VPS37A: variants seen among roughly 807,000 people sequenced by gnomAD.
The protein encoded by VPS37A is VPS37A subunit of ESCRT-I, also known as vacuolar protein sorting-associated protein 37A.
In VPS37A, 30 loss-of-function variants were observed where a neutral mutation model predicts 49.8. The ratio of observed to expected loss-of-function variants is 0.60; its 90% CI spans 0.45 to 0.82. VPS37A has a LOEUF of 0.82. VPS37A is among the 40% of genes least tolerant of loss of function. VPS37A has a pLI of 0.00. For missense variants in VPS37A, 593 were observed against 464.4 expected (o/e 1.28, Z -2.55); for synonymous variants, 195 against 160.6 (o/e 1.21, Z -1.62).
the VPS37A span, among the ~76,000 whole-genome samples, chr8:17,327,704 G>A: frequency 4.6e-5 from 7 of 151,846 alleles, no homozygotes; most frequent in South Asian, 1.0e-3. Context: ...TAAATAATAC[G>A]ATAAATATTT....
chr8:17,292,405 T>C (rs1816237697), intron 11 of VPS37A, among the ~76,000 whole-genome samples: 1 of 152,174 alleles, frequency 6.6e-6, no homozygotes, highest in Non-Finnish European at 1.5e-5. Context: ...TACTGATGGA[T>C]CTTGACTCTG....
chr8:17,311,820 T>A, the VPS37A span: 1 of 845,388 alleles, frequency 1.2e-6, no homozygotes, highest in Non-Finnish European at 1.8e-6. Flanking sequence ...TGCTGGCAGC[T>A]AAAGCTTTCC....
chr8:17,287,827 A>C (rs767376198), intron 11 of VPS37A, among the ~76,000 whole-genome samples: 14 of 152,100 alleles, frequency 9.2e-5, no homozygotes, highest in Non-Finnish European at 1.9e-4. Context: ...TGGGCAAGCT[A>C]TCCATCCTAC....
downstream of VPS37A, among the ~76,000 whole-genome samples, chr8:17,303,644 T>C (rs932192322): frequency 2.6e-5 from 4 of 151,518 alleles, no homozygotes; most frequent in Non-Finnish European, 4.4e-5. Context: ...AGTTTTGCTC[T>C]TGTTGCCCAG....
intron 1 of VPS37A, among the ~76,000 whole-genome samples, chr8:17,262,694 A>G (rs978924066): frequency 6.6e-6 from 1 of 152,160 alleles, no homozygotes; most frequent in African/African-American, 2.4e-5. Flanking sequence ...GCTGCAAACA[A>G]TCTAAATATC....
chr8:17,290,345 G>C (rs112809200), intron 11 of VPS37A, among the ~76,000 whole-genome samples: 158 of 152,250 alleles, frequency 1.0e-3, no homozygotes, highest in African/African-American at 3.6e-3. Context: ...ATTATTTTCA[G>C]ATACATTCCA....
chr8:17,316,464 TAAAAAAA>T, the VPS37A span, among the ~76,000 whole-genome samples: 1 of 143,476 alleles, frequency 7.0e-6, no homozygotes. Flanking sequence ...AACAGTACAG[TAAAAAAA>T]AAAAAAAACC....
In VPS37A at chr8:17,265,974, A is replaced by G. The variant is rs1391557682; in HGVS notation, c.193A>G (p.Ile65Val). 6.2e-7 allele frequency: 1 copy of G among 1,611,952 alleles called. No homozygotes were observed. The highest frequency in any genetic ancestry group is 2.2e-5 in the East Asian group (1 of 44,732). Residue 65 changes from isoleucine to valine, a missense_variant, in exon 2 of 12, where the codon ATT becomes GTT. Coordinates refer to ENST00000324849, the MANE Select transcript of VPS37A (RefSeq NM_152415.3). ...CACCATAAACAACCTGACAATTAAC[A>G]TTAATATGTGAGTAGAATTGTATCC... ...PFTINNLTIN[I>V]NILLPPQFPQ...
At chr8:17,322,841 T>C in the VPS37A span, among the ~76,000 whole-genome samples, 77 of 152,114 alleles carry the variant, frequency 5.1e-4, no homozygotes, top group Non-Finnish European at 1.0e-4. Context: ...TAAAAATATA[T>C]GTATGTGTGT....
the VPS37A span, among the ~76,000 whole-genome samples, chr8:17,320,903 T>G: frequency 6.6e-6 from 1 of 152,204 alleles, no homozygotes; most frequent in East Asian, 1.9e-4. Flanking sequence ...CCCAAAGTGT[T>G]CAACTTAATC....
At chr8:17,332,899 C>G in the VPS37A span, among the ~76,000 whole-genome samples, 1 of 152,312 alleles carries the variant, frequency 6.6e-6, no homozygotes, top group Admixed American at 6.5e-5. Flanking sequence ...GCAGCAATTA[C>G]AGCAGAAAGA....
At chr8:17,305,976 G>C (rs779039337), downstream of VPS37A, 35 of 1,582,558 alleles carry the variant, frequency 2.2e-5, no homozygotes, top group Non-Finnish European at 2.9e-5. Context: ...CAAAGCATTA[G>C]AGACTTTTTA....
At chr8:17,309,406 T>C in the VPS37A span, 1 of 975,962 alleles carries the variant, frequency 1.0e-6, no homozygotes, top group Non-Finnish European at 1.6e-6. Context: ...TGTTGAGGAA[T>C]TCAGAGGCAC....
chr8:17,311,414 G>T, the VPS37A span: 1 of 1,504,436 alleles, frequency 6.6e-7, no homozygotes, highest in Non-Finnish European at 9.1e-7. Flanking sequence ...GAAAAATAAT[G>T]CTGGCAAGAA....
At chr8:17,299,706 A>G (rs1303187331), downstream of VPS37A, 50 of 969,538 alleles carry the variant, frequency 5.2e-5, no homozygotes, top group Middle Eastern at 6.6e-4. Context: ...TATCTAAGAA[A>G]TCAAGAACTG....
chr8:17,304,071 G>C (rs1817298041), downstream of VPS37A, among the ~76,000 whole-genome samples: 1 of 152,068 alleles, frequency 6.6e-6, no homozygotes, highest in Admixed American at 6.6e-5. Flanking sequence ...TTCCACATTT[G>C]ACTTAAGGCA....
chr8:17,258,008 T>G (rs912077015), intron 1 of VPS37A, among the ~76,000 whole-genome samples: 1 of 152,180 alleles, frequency 6.6e-6, no homozygotes, highest in Non-Finnish European at 1.5e-5. Flanking sequence ...ACTGAATTGG[T>G]TTATCATTTC....
intron 4 of VPS37A, chr8:17,271,958 C>G (rs1380096408): frequency 6.6e-6 from 3 of 455,996 alleles, no homozygotes; most frequent in African/African-American, 2.0e-5. Flanking sequence ...TTTAGCAGTT[C>G]TTTAATTTCT....
intron 9 of VPS37A, among the ~76,000 whole-genome samples, chr8:17,282,045 A>G (rs903512998): frequency 2.6e-5 from 4 of 152,108 alleles, no homozygotes; most frequent in African/African-American, 7.2e-5. Context: ...AGTTTATTCT[A>G]AAGTTCATCT....
Sources: allele counts gnomAD v4.1 joint callset (sites outside exome capture counted in the v4.1 genomes callset), GRCh38; gene constraint gnomAD v4.1.1; transcripts MANE v1.5; gene names NCBI Gene and HGNC (gene_info 2026-07-23, HGNC 2026-07-21).